CLIC5: variants seen among roughly 807,000 people sequenced by gnomAD.
CLIC5 encodes the protein chloride intracellular channel protein 5.
Under a neutral mutation model 24.7 loss-of-function variants are expected in CLIC5, and 20 were observed. That is an observed-to-expected ratio of 0.81 (90% CI 0.57 to 1.18). The LOEUF (loss-of-function observed/expected upper bound fraction) is 1.18, where lower values mean the gene tolerates loss of function less well. CLIC5 is among the 50% of genes most tolerant of loss of function. CLIC5 has a pLI of 0.00. For missense variants in CLIC5, 341 were observed against 326.1 expected (o/e 1.05, Z -0.35); for synonymous variants, 159 against 135.6 (o/e 1.17, Z -1.20).
At chr6:46,015,978 GC>G, upstream of CLIC5, 1 of 830,634 alleles carries the variant, frequency 1.2e-6, no homozygotes. Flanking sequence ...ACGGCCCCCC[GC>G]CCCAAGACCC....
chr6:46,015,615 C>T lies in CLIC5; in HGVS notation c.-73G>A, dbSNP rs1198662446. ...CTGCAGCACCTGGGCCAGCACTCTG[C>T]GCTCCTGCCGCTGCCCAGCGGGGCT... On this transcript the variant is annotated 5_prime_UTR_variant, in exon 1 of 6. Coordinates refer to ENST00000339561, the MANE Select transcript of CLIC5 (RefSeq NM_016929.5). 1.8e-5 allele frequency: 26 copies of T among 1,424,180 alleles called. No homozygotes were observed. Among genetic ancestry groups the T allele is most frequent in the African/African-American group, 3.0e-5 (2 of 67,026 alleles). The allele number at this position is 1,424,180 out of a possible 1,614,324, so 88.2% of individuals were successfully genotyped here.
At chr6:45,888,529 T>A (rs73456749) in intron 6 of CLIC5, among the ~76,000 whole-genome samples, 4,765 of 152,318 alleles carry the variant, frequency 0.031, 242 homozygotes, top group African/African-American at 0.11. Flanking sequence ...ACATGGCCAG[T>A]TATAATTTTG....
chr6:45,941,030 T>G, intron 4 of CLIC5, among the ~76,000 whole-genome samples: 1 of 152,144 alleles, frequency 6.6e-6, no homozygotes, highest in East Asian at 1.9e-4. Context: ...AGGAGTGGCT[T>G]TCCAGGGCCC....
At chr6:46,027,370 G>C (rs1248595720) in intron 1 of CLIC5, among the ~76,000 whole-genome samples, 1 of 152,196 alleles carries the variant, frequency 6.6e-6, no homozygotes, top group Non-Finnish European at 1.5e-5. Context: ...ATGGCCCTTA[G>C]GTGGGACAAA....
intron 1 of CLIC5, among the ~76,000 whole-genome samples, chr6:45,987,468 T>C (rs1258882873): frequency 3.3e-5 from 5 of 152,246 alleles, no homozygotes; most frequent in Non-Finnish European, 5.9e-5. Flanking sequence ...ACAGTCAGGG[T>C]TGACCTGTGA....
At chr6:45,963,395 C>T (rs1764915461) in intron 1 of CLIC5, among the ~76,000 whole-genome samples, 1 of 152,112 alleles carries the variant, frequency 6.6e-6, no homozygotes, top group Non-Finnish European at 1.5e-5. Flanking sequence ...TCCTGAAATT[C>T]TTAATAATTT....
upstream of CLIC5, among the ~76,000 whole-genome samples, chr6:46,020,020 A>C (rs1490902945): frequency 6.6e-6 from 1 of 152,078 alleles, no homozygotes; most frequent in East Asian, 1.9e-4. Context: ...ACAAGTAGAC[A>C]AAAAATCCAT....
chr6:45,911,867 C>T, intron 5 of CLIC5: 1 of 985,572 alleles, frequency 1.0e-6, no homozygotes, highest in Non-Finnish European at 1.2e-6. Context: ...CTGGTCATTT[C>T]TTCACACATT....
chr6:46,069,417 G>T (rs1316675872), intron 1 of CLIC5, among the ~76,000 whole-genome samples: 8 of 152,054 alleles, frequency 5.3e-5, no homozygotes, highest in Non-Finnish European at 7.4e-5. Flanking sequence ...AACTATCAGA[G>T]AATACGATGA....
At chr6:45,978,324 T>G (rs1765453074) in intron 1 of CLIC5, among the ~76,000 whole-genome samples, 2 of 152,196 alleles carry the variant, frequency 1.3e-5, no homozygotes, top group Admixed American at 1.3e-4. Flanking sequence ...GATAAAATAC[T>G]CTTCTCTTTG....
intron 1 of CLIC5, chr6:46,014,202 A>AAACAAACCTTT (rs1766909697): frequency 1.3e-5 from 2 of 152,272 alleles, no homozygotes; most frequent in African/African-American, 4.8e-5. Context: ...CCTTTGTGGT[A>AAACAAACCTTT]GGCTGGGACA....
At chr6:46,017,102 T>C (rs1055422272), upstream of CLIC5, among the ~76,000 whole-genome samples, 1 of 152,218 alleles carries the variant, frequency 6.6e-6, no homozygotes, top group Non-Finnish European at 1.5e-5. Flanking sequence ...TCTCCTTGTG[T>C]AAACACTGCC....
intron 1 of CLIC5, among the ~76,000 whole-genome samples, chr6:46,026,694 G>T (rs1447962011): frequency 6.6e-6 from 1 of 152,114 alleles, no homozygotes; most frequent in East Asian, 1.9e-4. Context: ...GCCAGATGTT[G>T]TACTCAATGC....
intron 1 of CLIC5, among the ~76,000 whole-genome samples, chr6:46,041,164 CAG>C (rs1019727301): frequency 5.3e-5 from 8 of 152,128 alleles, no homozygotes; most frequent in Non-Finnish European, 8.8e-5. Flanking sequence ...GCTATGTGTT[CAG>C]AGAGTGTGCA....
chr6:46,003,131 T>C (rs992085280), intron 1 of CLIC5, among the ~76,000 whole-genome samples: 1 of 152,202 alleles, frequency 6.6e-6, no homozygotes, highest in Admixed American at 6.5e-5. Context: ...TACCAAGACC[T>C]ACTCCATGGA....
intron 1 of CLIC5, among the ~76,000 whole-genome samples, chr6:46,057,695 T>A (rs1768297740): frequency 6.6e-6 from 1 of 152,206 alleles, no homozygotes; most frequent in African/African-American, 2.4e-5. Context: ...GGCAACTGTC[T>A]TTTTGGGCTG....
chr6:45,968,327 C>T (rs1221524875), intron 1 of CLIC5, among the ~76,000 whole-genome samples: 1 of 152,138 alleles, frequency 6.6e-6, no homozygotes, highest in Non-Finnish European at 1.5e-5. Flanking sequence ...TCCTGGGGTA[C>T]TTTTATTTAT....
intron 1 of CLIC5, among the ~76,000 whole-genome samples, chr6:46,029,456 C>T (rs1400691085): frequency 6.6e-6 from 1 of 152,086 alleles, no homozygotes; most frequent in Non-Finnish European, 1.5e-5. Context: ...AGTGACTTGC[C>T]CAAGTTCCCT....
intron 1 of CLIC5, among the ~76,000 whole-genome samples, chr6:45,991,516 C>A (rs1704021660): frequency 6.6e-6 from 1 of 152,224 alleles, no homozygotes; most frequent in Admixed American, 6.5e-5. Context: ...CCAGCTAAGC[C>A]ATTGTCAGAT....
Sources: allele counts gnomAD v4.1 joint callset (sites outside exome capture counted in the v4.1 genomes callset), GRCh38; gene constraint gnomAD v4.1.1; transcripts MANE v1.5; gene names NCBI Gene and HGNC (gene_info 2026-07-23, HGNC 2026-07-21).